SMS: variants seen among roughly 807,000 people sequenced by gnomAD.
The protein encoded by SMS is spermidine aminopropyltransferase.
In SMS, 3 loss-of-function variants were observed where a neutral mutation model predicts 33.0. The observed-to-expected ratio is 0.09, with a 90% confidence interval of 0.04 to 0.23. The LOEUF (loss-of-function observed/expected upper bound fraction) is 0.23. Among genes scored for constraint, SMS ranks in the 10% least tolerant of loss-of-function variants. SMS has a pLI of 1.00. For missense variants in SMS, 117 were observed against 288.6 expected (o/e 0.41, Z 4.31); for synonymous variants, 103 against 112.2 (o/e 0.92, Z 0.52).
At chrX:21,988,661 T>TAAAAAAAAAAA (rs1925533897) in intron 9 of SMS, among the ~76,000 whole-genome samples, 1 of 14,952 alleles carries the variant, frequency 6.7e-5, no homozygotes, top group Non-Finnish European at 1.1e-4. Context: ...AGACTCTGTC[T>TAAAAAAAAAAA]CAAAAAAAAA....
At chrX:21,955,232 C>T (rs1602187550) in intron 1 of SMS, among the ~76,000 whole-genome samples, 1 of 112,621 alleles carries the variant, frequency 8.9e-6, no homozygotes, top group Non-Finnish European at 1.9e-5. Flanking sequence ...GATAGTGCTA[C>T]AGTGCTCAGA....
intron 1 of SMS, among the ~76,000 whole-genome samples, chrX:21,953,862 TCTC>T (rs1197419526): frequency 9.4e-6 from 1 of 106,562 alleles, no homozygotes; most frequent in Non-Finnish European, 1.9e-5. Context: ...TTAATTTTTT[TCTC>T]CTCTAGTTTT....
At chrX:21,985,345 T>C (rs967079801) in intron 9 of SMS, 122 bp downstream of exon 9, 2 of 473,636 alleles carry the variant, frequency 4.2e-6, no homozygotes, top group African/African-American at 4.8e-5. Context: ...GATTATGTTC[T>C]TTCAAACAGT....
At chrX:21,961,756 A>C (rs960920939) in intron 1 of SMS, among the ~76,000 whole-genome samples, 2 of 112,122 alleles carry the variant, frequency 1.8e-5, no homozygotes, top group African/African-American at 6.5e-5. Context: ...CAGTAGACAA[A>C]GGACACGTTT....
At chrX:21,952,413 GTTTGTTTGT>G (rs1463037501) in intron 1 of SMS, among the ~76,000 whole-genome samples, 27 of 77,385 alleles carry the variant, frequency 3.5e-4, no homozygotes, top group Admixed American at 1.6e-3. Context: ...CACGTTGTTT[GTTTGTTTGT>G]TTTTTTTTTT....
intron 1 of SMS, among the ~76,000 whole-genome samples, chrX:21,954,065 C>T (rs1250374547): frequency 9.0e-6 from 1 of 110,859 alleles, no homozygotes; most frequent in Non-Finnish European, 1.9e-5. Context: ...TGATAATGTT[C>T]GACGTATTCC....
rs1925402144 is a variant in SMS, at chrX:21,987,128, T to C, written c.945+1905T>C. 1.8e-5 allele frequency among the ~76,000 whole-genome samples: 2 copies of C among 109,614 alleles called. 1 individual carries two copies. Among genetic ancestry groups the C allele is most frequent in the African/African-American group, 6.7e-5 (2 of 29,977 alleles). On this transcript the variant is annotated intron_variant, in intron 9 of 10. Coordinates refer to ENST00000404933, the MANE Select transcript of SMS (RefSeq NM_004595.5). The stretch of plus-strand genomic sequence containing the variant: ...CTCCTGCCTCAGCCTCCTGAGTAGC[T>C]GGGATTATAGGCATGTGCCACCACG...
At chrX:21,953,241 C>A (rs1922737341) in intron 1 of SMS, among the ~76,000 whole-genome samples, 1 of 107,093 alleles carries the variant, frequency 9.3e-6, no homozygotes, top group African/African-American at 3.4e-5. Context: ...GATTAACATT[C>A]AAAGGACTGA....
At chrX:21,952,023 G>A (rs181091178) in intron 1 of SMS, among the ~76,000 whole-genome samples, 49 of 111,949 alleles carry the variant, frequency 4.4e-4, no homozygotes, top group African/African-American at 1.4e-3. Context: ...AATGTTGTAC[G>A]TAAAAACACT....
chrX:21,988,614 G>C (rs1179719970), intron 9 of SMS, among the ~76,000 whole-genome samples: 1 of 101,573 alleles, frequency 9.8e-6, no homozygotes, highest in Non-Finnish European at 2.0e-5. Flanking sequence ...GCAGTGAGCC[G>C]AGATCACGCC....
rs1451395775 is a variant in SMS, at chrX:21,984,438, A to G, written c.865+20A>G. 1.1e-6 allele frequency: 1 copy of G among 918,113 alleles called. No homozygotes were observed. Among genetic ancestry groups the G allele is most frequent in the Non-Finnish European group, 1.6e-6 (1 of 629,110 alleles). The allele number at this position is 918,113 out of a possible 1,213,427, so 75.7% of individuals were successfully genotyped here. A position where few individuals can be genotyped will look rare whatever the true frequency, so the allele number is the denominator to read the frequency against. ...AAGAAGGTAGATTTTTTTAACCAAG[A>G]TATTTATGATGGAAATGTTTCTCTT... On this transcript the variant is annotated intron_variant, in intron 8 of 10. Transcript: ENST00000404933.
chrX:21,968,590 C>T (rs867948997), intron 2 of SMS, among the ~76,000 whole-genome samples: 41 of 112,073 alleles, frequency 3.7e-4, no homozygotes, highest in African/African-American at 1.2e-3. Context: ...GCTGACCACA[C>T]TTGGAGTAGC....
intron 4 of SMS, among the ~76,000 whole-genome samples, chrX:21,976,154 A>G (rs1924518335): frequency 9.0e-6 from 1 of 111,187 alleles, no homozygotes; most frequent in Non-Finnish European, 1.9e-5. Flanking sequence ...AGAATGAATG[A>G]AAAAATCATC....
chrX:21,993,940 C>T (rs1925925168), intron 10 of SMS, among the ~76,000 whole-genome samples: 1 of 107,945 alleles, frequency 9.3e-6, no homozygotes, highest in African/African-American at 3.4e-5. Flanking sequence ...TCTTCCCTCC[C>T]CCTTCTCTCC....
At position 21,993,296 on chromosome X, in the gene SMS, A is replaced by T. The variant is rs1925876596; in HGVS notation, c.1061+584A>T. On this transcript the variant is annotated intron_variant, in intron 10 of 10. Coordinates refer to ENST00000404933, the MANE Select transcript of SMS (RefSeq NM_004595.5). The stretch of plus-strand genomic sequence containing the variant: ...TAATTTGCAACAGAAATCGAGAACT[A>T]GAATGATGTTGGGGACTGCACGGTT... 2.7e-5 allele frequency among the ~76,000 whole-genome samples: 3 copies of T among 113,188 alleles called. No homozygotes were observed. In the Admixed American group the frequency reaches 2.8e-4, roughly 11 times the overall value.
intron 5 of SMS, 44 bp downstream of exon 5, chrX:21,977,280 T>C: frequency 9.3e-7 from 1 of 1,075,440 alleles, no homozygotes; most frequent in Non-Finnish European, 1.3e-6. Context: ...AAAGTGGTGA[T>C]GTGTTGAATG....
At position 21,992,578 on chromosome X, in the gene SMS, T is replaced by C. The variant is rs775761864; in HGVS notation, c.946-19T>C. The C allele has an allele frequency of 9.4e-7, 1 of 1,068,853 alleles. No individual in the cohort carries two copies. Among genetic ancestry groups the C allele is most frequent in the South Asian group, 1.9e-5 (1 of 53,959 alleles). The allele number at this position is 1,068,853 out of a possible 1,213,427, so 88.1% of individuals were successfully genotyped here. A position where few individuals can be genotyped will look rare whatever the true frequency, so the allele number is the denominator to read the frequency against. On this transcript the variant is annotated intron_variant, in intron 9 of 10. Transcript: ENST00000404933. ...GGAAGGACTCAAGAATCCCATTTGC[T>C]TATCTCTCTTTGATTTAGGGGAACT...
At chrX:21,963,757 G>A (rs1052820420) in intron 1 of SMS, among the ~76,000 whole-genome samples, 1 of 112,036 alleles carries the variant, frequency 8.9e-6, no homozygotes, top group African/African-American at 3.3e-5. Flanking sequence ...TTACACGCAG[G>A]GTGGCCTTGT....
intron 2 of SMS, among the ~76,000 whole-genome samples, chrX:21,969,632 C>CT (rs1418855552): frequency 1.8e-5 from 2 of 112,281 alleles, no homozygotes; most frequent in East Asian, 5.6e-4. Flanking sequence ...GCCTTTGCTG[C>CT]TGGGCCCTGC....
Sources: allele counts gnomAD v4.1 joint callset (sites outside exome capture counted in the v4.1 genomes callset), GRCh38; gene constraint gnomAD v4.1.1; transcripts MANE v1.5; gene names NCBI Gene and HGNC (gene_info 2026-07-23, HGNC 2026-07-21).